Variants in RERE observed in about 807,000 individuals in gnomAD.
The protein encoded by RERE is arginine-glutamic acid dipeptide repeats.
A neutral mutation model predicts 146.1 loss-of-function variants in RERE; 40 were observed. That is an observed-to-expected ratio of 0.27 (90% CI 0.21 to 0.36). The LOEUF (loss-of-function observed/expected upper bound fraction) is 0.36, where lower values mean the gene tolerates loss of function less well. Ranked by LOEUF, RERE falls within the 10% of genes least tolerant of loss-of-function variation. RERE has a pLI of 1.00. For missense variants in RERE, 1,933 were observed against 2,138.7 expected, an observed-to-expected ratio of 0.90 and a Z score of 1.90; for synonymous variants, 1,003 against 866.0, an observed-to-expected ratio of 1.16 and a Z score of -2.78.
chr1:8,522,706 T>C (rs1331743367), intron 7 of RERE, among the ~76,000 whole-genome samples: 1 of 151,710 alleles, frequency 6.6e-6, no homozygotes, highest in Non-Finnish European at 1.5e-5. Context: ...ACCCCGTCTC[T>C]ACTAAAAAAT....
intron 4 of RERE, among the ~76,000 whole-genome samples, chr1:8,568,975 T>C (rs1051581469): frequency 1.3e-5 from 2 of 152,122 alleles, no homozygotes; most frequent in African/African-American, 4.8e-5. Flanking sequence ...AAGGGTCAAT[T>C]TGGCAAGACG....
intron 12 of RERE, among the ~76,000 whole-genome samples, chr1:8,407,991 G>A (rs1027848215): frequency 1.3e-5 from 2 of 152,136 alleles, no homozygotes; most frequent in Non-Finnish European, 2.9e-5. Context: ...AAAGAAATGG[G>A]AAACCAATAC....
At chr1:8,815,100 A>C (rs1430610885) in intron 1 of RERE, among the ~76,000 whole-genome samples, 1 of 152,204 alleles carries the variant, frequency 6.6e-6, no homozygotes, top group Non-Finnish European at 1.5e-5. Flanking sequence ...TCTGCAACCC[A>C]CATGTATTCA....
At chr1:8,771,334 C>T (rs1364957744) in intron 1 of RERE, among the ~76,000 whole-genome samples, 1 of 150,840 alleles carries the variant, frequency 6.6e-6, no homozygotes. Context: ...CCAGCCTGGC[C>T]AACATGACAA....
In RERE at chr1:8,464,699, G is replaced by C. The variant is rs370762450; in HGVS notation, c.1203+1226C>G. Among the ~76,000 whole-genome samples the C allele has an allele frequency of 3.7e-4, 56 of 152,192 alleles. No homozygotes were observed. In the South Asian group the frequency reaches 0.011, roughly 29 times the overall value. The stretch of plus-strand genomic sequence containing the variant: ...GCCCAGAATTCTCTAATATCCAAAA[G>C]GCTGCCTTCCTCACCTTACTAAGGT... On this transcript the variant is annotated intron_variant, in intron 11 of 22. Transcript: ENST00000400908.
At chr1:8,525,940 T>A (rs752986797) in intron 7 of RERE, 195 of 1,349,034 alleles carry the variant, frequency 1.4e-4, no homozygotes, top group Non-Finnish European at 1.4e-4. Context: ...GACCTAAGCC[T>A]TCACGCAGAA....
chr1:8,487,262 A>G (rs549691147), intron 10 of RERE, among the ~76,000 whole-genome samples: 18 of 152,206 alleles, frequency 1.2e-4, no homozygotes, highest in Non-Finnish European at 1.9e-4. Flanking sequence ...ACCTGGATAT[A>G]TAAGAGATCA....
chr1:8,556,433 T>C (rs1646007543), intron 6 of RERE, 42 bp downstream of exon 6: 6 of 1,147,324 alleles, frequency 5.2e-6, no homozygotes, highest in Non-Finnish European at 7.9e-6. Flanking sequence ...CTGCACTCAG[T>C]GACTCCTCCT....
At chr1:8,787,150 A>G (rs1312103149) in intron 1 of RERE, among the ~76,000 whole-genome samples, 2 of 152,138 alleles carry the variant, frequency 1.3e-5, no homozygotes, top group African/African-American at 2.4e-5. Context: ...CTGTTCTCCC[A>G]GAGTTTTTCC....
intron 4 of RERE, among the ~76,000 whole-genome samples, chr1:8,558,798 T>C (rs1044825880): frequency 2.7e-5 from 4 of 150,588 alleles, no homozygotes; most frequent in Admixed American, 6.6e-5. Context: ...TTTTTCCTTT[T>C]CTTTTTTTTT....
At chr1:8,369,111 G>T (rs982838956) in intron 12 of RERE, among the ~76,000 whole-genome samples, 1 of 152,104 alleles carries the variant, frequency 6.6e-6, no homozygotes, top group Non-Finnish European at 1.5e-5. Flanking sequence ...TGAGACAAGA[G>T]GATCACTTGA....
intron 11 of RERE, among the ~76,000 whole-genome samples, chr1:8,443,473 A>AAAAAAAAAAAAG (rs1644278849): frequency 6.6e-6 from 1 of 151,104 alleles, no homozygotes; most frequent in Non-Finnish European, 1.5e-5. Context: ...AAAAAAAAAA[A>AAAAAAAAAAAAG]AAAAAAGAAA....
In RERE at chr1:8,777,720, A is replaced by T. The variant is rs973345492; in HGVS notation, c.-145+39440T>A. Among the ~76,000 whole-genome samples, 6 of 151,510 alleles carry T rather than the reference A, an allele frequency of 4.0e-5. No individual in the cohort carries two copies. The East Asian group carries it at 1.2e-3, about 29-fold the overall frequency. On this transcript the variant is annotated intron_variant, in intron 1 of 22. Coordinates refer to ENST00000400908, the MANE Select transcript of RERE (RefSeq NM_001042681.2). ...CGGCTACTTTTTGTATTTTTTTAGT[A>T]GAGACGTGGTTTCACCGCATTAGCC... is the stretch of plus-strand genomic sequence containing the variant.
chr1:8,770,852 A>G (rs1332226579), intron 1 of RERE, among the ~76,000 whole-genome samples: 1 of 152,244 alleles, frequency 6.6e-6, no homozygotes, highest in Non-Finnish European at 1.5e-5. Flanking sequence ...AGCATCGTTC[A>G]TAATAGCAAA....
Position 8,361,282 on chromosome 1 carries a change from T to A in RERE, c.2225A>T (p.Gln742Leu), listed in dbSNP as rs762793997. 5.6e-6 allele frequency: 9 copies of A among 1,599,642 alleles called. No individual in the cohort carries two copies. The highest frequency in any genetic ancestry group is 7.7e-6 in the Non-Finnish European group (9 of 1,173,352). Residue 742 changes from glutamine to leucine, a missense_variant, in exon 18 of 23, where the codon CAG becomes CTG. Coordinates refer to ENST00000400908, the MANE Select transcript of RERE (RefSeq NM_001042681.2). ...AGCTGGGGTGACCCCAGTGGGAGCC[T>A]GCAAGGCTGGGGGCTGGGCCTGCAG... ...QMLQAQPPAL[Q>L]APTGVTPAPS...
intron 3 of RERE, among the ~76,000 whole-genome samples, chr1:8,615,640 C>T (rs1453532000): frequency 6.6e-6 from 1 of 152,086 alleles, no homozygotes; most frequent in Non-Finnish European, 1.5e-5. Context: ...GATGAACAAC[C>T]TTTTAATATT....
At chr1:8,810,869 C>T (rs1026412126) in intron 1 of RERE, among the ~76,000 whole-genome samples, 1 of 152,142 alleles carries the variant, frequency 6.6e-6, no homozygotes, top group African/African-American at 2.4e-5. Flanking sequence ...GCCATAAATA[C>T]AGTTCGGGAA....
chr1:8,482,453 G>A (rs370451241), intron 10 of RERE, among the ~76,000 whole-genome samples: 20 of 151,848 alleles, frequency 1.3e-4, no homozygotes, highest in African/African-American at 2.9e-4. Flanking sequence ...AGGCTGAGGC[G>A]GGTGGATCAC....
chr1:8,498,703 A>AAAT (rs1189935082), intron 8 of RERE, among the ~76,000 whole-genome samples: 1 of 135,006 alleles, frequency 7.4e-6, no homozygotes, highest in African/African-American at 3.0e-5. Context: ...CTCAAAAAAA[A>AAAT]AAAAAATAAA....
Sources: allele counts gnomAD v4.1 joint callset (sites outside exome capture counted in the v4.1 genomes callset), GRCh38; gene constraint gnomAD v4.1.1; transcripts MANE v1.5; gene names NCBI Gene and HGNC (gene_info 2026-07-23, HGNC 2026-07-21).